The following FAM53B variants were observed in gnomAD, a reference collection of about 807,000 sequenced individuals.
FAM53B encodes family with sequence similarity 53 member B, also known as protein FAM53B.
Under a neutral mutation model 32.7 loss-of-function variants are expected in FAM53B, and 12 were observed. The observed-to-expected ratio is 0.37, with a 90% CI of 0.24 to 0.59. The LOEUF is 0.59. Among genes scored for constraint, FAM53B ranks in the 20% least tolerant of loss-of-function variants. The probability of loss-of-function intolerance (pLI) is 0.72; values close to 1 mark genes in which losing one functional copy is unlikely to be tolerated. For missense variants in FAM53B, 477 were observed against 577.7 expected (o/e 0.83, Z 1.79); for synonymous variants, 234 against 228.7 (o/e 1.02, Z -0.21).
chr10:124,694,113 C>T (rs10901805), intron 3 of FAM53B, among the ~76,000 whole-genome samples: 123,737 of 151,846 alleles, frequency 0.81, 52,702 homozygotes, highest in Non-Finnish European at 0.93. Context: ...ACCAGTACAA[C>T]GGCTCCCCGC....
chr10:124,646,685 G>A (rs910500978), intron 4 of FAM53B, among the ~76,000 whole-genome samples: 1 of 152,194 alleles, frequency 6.6e-6, no homozygotes, highest in Non-Finnish European at 1.5e-5. Context: ...GGGAGACCTG[G>A]CCTCCAGCCA....
intron 4 of FAM53B, among the ~76,000 whole-genome samples, chr10:124,626,695 A>G (rs974321429): frequency 2.0e-5 from 3 of 151,526 alleles, no homozygotes; most frequent in Non-Finnish European, 4.4e-5. Flanking sequence ...AAAGTAAGAC[A>G]CTTTATGCAT....
Position 124,651,985 on chromosome 10 carries a change from GCGAGGCCCCTGCCCTCCAGGAGT to G in FAM53B, c.907-28404_907-28382del, listed in dbSNP as rs1221102793. On this transcript the variant is annotated intron_variant, in intron 4 of 4. Coordinates refer to ENST00000337318, the MANE Select transcript of FAM53B (RefSeq NM_014661.4). This position sits in a 1 kb window ranked among gnomAD's most constrained non-coding sequence, Gnocchi z 5.2. ...GCAATGTGAACTCAGGGGCCAGGAA[GCGAGGCCCCTGCCCTCCAGGAGT>G]CCCTTTCCAAAGGGCATACCTGGAG... Among the ~76,000 whole-genome samples, 20 of 152,348 alleles carry G rather than the reference GCGAGGCCCCTGCCCTCCAGGAGT, an allele frequency of 1.3e-4. No individual in the cohort carries two copies. In the East Asian group the frequency reaches 3.9e-3, roughly 29 times the overall value.
chr10:124,625,584 G>A (rs1419860697), intron 4 of FAM53B, among the ~76,000 whole-genome samples: 2 of 152,080 alleles, frequency 1.3e-5, no homozygotes. Flanking sequence ...CAGGATCCTC[G>A]CCTGCCCCTG....
chr10:124,649,721 G>A (rs956897310), intron 4 of FAM53B, among the ~76,000 whole-genome samples: 1 of 152,210 alleles, frequency 6.6e-6, no homozygotes, highest in Non-Finnish European at 1.5e-5. Flanking sequence ...GGCTGGCGGT[G>A]TCCCTGGTCT....
intron 4 of FAM53B, among the ~76,000 whole-genome samples, chr10:124,634,510 G>A (rs954855000): frequency 2.6e-5 from 4 of 152,200 alleles, no homozygotes; most frequent in Non-Finnish European, 5.9e-5. Flanking sequence ...TAGTTCTCAC[G>A]AGAGCTGATG....
chr10:124,725,430 G>A (rs1413997779), intron 1 of FAM53B, among the ~76,000 whole-genome samples: 1 of 152,234 alleles, frequency 6.6e-6, no homozygotes, highest in African/African-American at 2.4e-5. Flanking sequence ...CCACTGCACG[G>A]AGACACTGAT....
intron 3 of FAM53B, among the ~76,000 whole-genome samples, chr10:124,695,351 T>C (rs913914305): frequency 2.0e-5 from 3 of 152,116 alleles, no homozygotes; most frequent in African/African-American, 7.2e-5. Context: ...TAATCAATGG[T>C]CATCTTTTTT....
At position 124,623,161 on chromosome 10, in the gene FAM53B, C is replaced by G. The variant is rs1449050087; in HGVS notation, c.*81G>C. ...TTTCATCAGGCCCACGAGTTGGGCT[C>G]CCCTTCAAGGGCCCACCTAGTGCCC... On this transcript the variant is annotated 3_prime_UTR_variant, in exon 5 of 5. Transcript: ENST00000337318. 1.2e-5 allele frequency: 18 copies of G among 1,485,820 alleles called. No individual in the cohort carries two copies. The African/African-American group carries it at 2.1e-4, about 18-fold the overall frequency. 92.0% of individuals were successfully genotyped at this position (1,485,820 alleles called of 1,614,324 possible). A position where few individuals can be genotyped will look rare whatever the true frequency, so the allele number is the denominator to read the frequency against.
At chr10:124,690,120 C>T (rs1440040962) in intron 3 of FAM53B, among the ~76,000 whole-genome samples, 1 of 152,192 alleles carries the variant, frequency 6.6e-6, no homozygotes, top group Non-Finnish European at 1.5e-5. Context: ...CAAAGCGGGG[C>T]GCCATTAAAC....
rs533422520 is a variant in FAM53B at position 124,651,784 on chromosome 10, C to T, written c.907-28180G>A. Among the ~76,000 whole-genome samples the T allele has an allele frequency of 7.9e-5, 12 of 152,316 alleles. No homozygotes were observed. In the South Asian group the frequency reaches 1.0e-3, roughly 13 times the overall value. Reference sequence around the variant, plus strand: ...GCAGTGACTGGGCACTGGCACATGGCGGGGACACGCCACCCCTGCTGTCTA... The same window carrying T: ...GCAGTGACTGGGCACTGGCACATGGTGGGGACACGCCACCCCTGCTGTCTA... On this transcript the variant is annotated intron_variant, in intron 4 of 4. Coordinates refer to ENST00000337318, the MANE Select transcript of FAM53B (RefSeq NM_014661.4). This position sits in a 1 kb window ranked among gnomAD's most constrained non-coding sequence, Gnocchi z 5.2.
At position 124,623,305 on chromosome 10, in the gene FAM53B, G is replaced by A. The variant is rs767546837; in HGVS notation, c.1206C>T (p.Ala402=). ...CCAGGGAGCAGAGGCTGTTCCCAGG[G>A]GCCCCGCGGTCCCGCCAGGCTGCAG... ...EPAAAWRDRG[A]PGNSLCSLDG... Residue 402 remains alanine (A), a synonymous_variant, in exon 5 of 5, where the codon GCC becomes GCT. Coordinates refer to ENST00000337318, the MANE Select transcript of FAM53B (RefSeq NM_014661.4). The A allele has an allele frequency of 1.9e-6, 3 of 1,612,416 alleles. No individual in the cohort carries two copies. Among genetic ancestry groups the A allele is most frequent in the South Asian group, 2.2e-5 (2 of 91,044 alleles).
chr10:124,690,748 T>C (rs762839048), intron 3 of FAM53B, among the ~76,000 whole-genome samples: 1 of 152,198 alleles, frequency 6.6e-6, no homozygotes, highest in Non-Finnish European at 1.5e-5. Context: ...AAATCACACA[T>C]ATGACCATAA....
chr10:124,704,696 T>C (rs1225269739), intron 2 of FAM53B, among the ~76,000 whole-genome samples: 1 of 152,118 alleles, frequency 6.6e-6, no homozygotes, highest in East Asian at 1.9e-4. Context: ...GACAAGAATA[T>C]ATGGGGCCAT....
Position 124,681,863 on chromosome 10 carries a change from G to A in FAM53B, c.650C>T (p.Pro217Leu). 1.2e-6 allele frequency: 2 copies of A among 1,613,356 alleles called. No individual in the cohort carries two copies. The highest frequency in any genetic ancestry group is 1.7e-6 in the Non-Finnish European group (2 of 1,179,710). The change falls in exon 4 of 5, where the codon CCC (proline) becomes CTC (leucine). Residue 217 changes from proline (P) to leucine (L), a missense_variant. Pro to Leu is a moderately conservative substitution (Grantham distance 98). Transcript: ENST00000337318. ...AGDTWSPDLH[P>L]VGGGRLDLQR... ...CAGGTCCAGCCGGCCTCCTCCCACG[G>A]GGTGCAGGTCAGGGCTCCAGGTGTC...
chr10:124,739,064 CAAAA>C (rs890524257), intron 1 of FAM53B, among the ~76,000 whole-genome samples: 1 of 148,040 alleles, frequency 6.8e-6, no homozygotes. Flanking sequence ...AAACAAAAAA[CAAAA>C]AAACACACAG....
intron 4 of FAM53B, among the ~76,000 whole-genome samples, chr10:124,664,966 G>A (rs1949659762): frequency 6.6e-6 from 1 of 152,216 alleles, no homozygotes; most frequent in Non-Finnish European, 1.5e-5. Context: ...GGACAAACCT[G>A]ACAAAGCTCC....
intron 2 of FAM53B, among the ~76,000 whole-genome samples, chr10:124,705,389 C>G (rs947069669): frequency 1.3e-5 from 2 of 152,218 alleles, no homozygotes; most frequent in Admixed American, 1.3e-4. Flanking sequence ...GAGGCTGGAC[C>G]CAACGGTTTC....
At chr10:124,709,217 C>T (rs1422048071) in intron 1 of FAM53B, among the ~76,000 whole-genome samples, 4 of 152,252 alleles carry the variant, frequency 2.6e-5, no homozygotes, top group Admixed American at 2.6e-4. Flanking sequence ...TATATGATGG[C>T]CCATCCCTCT....
Sources: allele counts gnomAD v4.1 joint callset (sites outside exome capture counted in the v4.1 genomes callset), GRCh38; gene constraint gnomAD v4.1.1; non-coding constraint Gnocchi (gnomAD v3.1); transcripts MANE v1.5; gene names NCBI Gene and HGNC (gene_info 2026-07-23, HGNC 2026-07-21).